NKAIN3: variants seen among roughly 807,000 people sequenced by gnomAD.
NKAIN3 encodes sodium/potassium-transporting ATPase subunit beta-1-interacting protein 3.
NKAIN3 carries 25 observed loss-of-function variants against 30.2 expected under a neutral mutation model. The observed-to-expected ratio is 0.83, with a 90% CI of 0.60 to 1.16. The LOEUF is 1.16. Ranked by LOEUF, NKAIN3 falls within the 50% of genes most tolerant of loss-of-function variation. The pLI, the probability that NKAIN3 is intolerant of heterozygous loss-of-function variation, is 0.00. For missense variants in NKAIN3, 225 were observed against 254.1 expected (o/e 0.89, Z 0.78); for synonymous variants, 91 against 89.6 (o/e 1.02, Z -0.09).
intron 6 of NKAIN3, among the ~76,000 whole-genome samples, chr8:62,957,254 C>T (rs552790060): frequency 7.9e-4 from 120 of 152,236 alleles, no homozygotes; most frequent in Admixed American, 1.9e-3. Flanking sequence ...CTGCCTCAGC[C>T]TCCTGAGTAG....
intron 1 of NKAIN3, among the ~76,000 whole-genome samples, chr8:62,253,570 A>G (rs1812174872): frequency 6.6e-6 from 1 of 152,222 alleles, no homozygotes. Flanking sequence ...CTCTCTATCT[A>G]AAAAGAAAGA....
At chr8:62,742,329 G>T (rs1815930818) in intron 3 of NKAIN3, among the ~76,000 whole-genome samples, 1 of 152,124 alleles carries the variant, frequency 6.6e-6, no homozygotes, top group African/African-American at 2.4e-5. Flanking sequence ...CCCTCTCCAG[G>T]ATGACAAAGG....
chr8:62,577,095 A>C (rs1298671827), intron 1 of NKAIN3, among the ~76,000 whole-genome samples: 2 of 152,058 alleles, frequency 1.3e-5, no homozygotes, highest in Non-Finnish European at 2.9e-5. Flanking sequence ...TAATACTCAA[A>C]TCTAGTTTTC....
intron 4 of NKAIN3, among the ~76,000 whole-genome samples, chr8:62,882,361 C>T (rs1410534391): frequency 2.0e-5 from 3 of 152,108 alleles, no homozygotes; most frequent in Admixed American, 6.5e-5. Context: ...CTCTGTCGCC[C>T]AGGCTGGAGT....
At chr8:62,695,258 A>T (rs1245831849) in intron 3 of NKAIN3, among the ~76,000 whole-genome samples, 1 of 152,188 alleles carries the variant, frequency 6.6e-6, no homozygotes, top group Non-Finnish European at 1.5e-5. Context: ...TATTTACTTT[A>T]TCATCACCCA....
rs146321069 is a variant in NKAIN3 at position 62,539,484 on chromosome 8, A to G, written c.55-40055A>G. Among the ~76,000 whole-genome samples, 759 of 152,332 alleles carry G rather than the reference A, an allele frequency of 5.0e-3. 3 individuals carry two copies. The highest frequency in any genetic ancestry group is 5.9e-3 in the Non-Finnish European group (403 of 68,020). Reference sequence around the variant, plus strand: ...TATAAATCACCAAAATTAGAGGTATATGGTGTGCAGATCTTTAAAAAGATT... The same window carrying G: ...TATAAATCACCAAAATTAGAGGTATGTGGTGTGCAGATCTTTAAAAAGATT... On this transcript the variant is annotated intron_variant, in intron 1 of 6. Transcript: ENST00000623646.
intron 1 of NKAIN3, among the ~76,000 whole-genome samples, chr8:62,480,603 G>A (rs1461591223): frequency 1.3e-5 from 2 of 150,268 alleles, no homozygotes; most frequent in African/African-American, 2.4e-5. Flanking sequence ...GAAAAAGCCC[G>A]ACCAAGACAT....
intron 4 of NKAIN3, 130 bp downstream of exon 4, chr8:62,747,259 A>G (rs1816107970): frequency 3.3e-6 from 2 of 604,162 alleles, no homozygotes; most frequent in South Asian, 2.1e-5. Context: ...AGAAGCAATT[A>G]TGGTACCACT....
At chr8:62,484,915 C>T (rs141849156) in intron 1 of NKAIN3, among the ~76,000 whole-genome samples, 1 of 152,310 alleles carries the variant, frequency 6.6e-6, no homozygotes, top group East Asian at 1.9e-4. Flanking sequence ...CCAGCATTCA[C>T]TAGGCTGTGG....
At chr8:62,352,581 T>C (rs1816216500) in intron 1 of NKAIN3, among the ~76,000 whole-genome samples, 1 of 152,186 alleles carries the variant, frequency 6.6e-6, no homozygotes, top group African/African-American at 2.4e-5. Flanking sequence ...GAGCATCGTC[T>C]TCTAAAATAG....
intron 4 of NKAIN3, among the ~76,000 whole-genome samples, chr8:62,796,556 T>A (rs192044935): frequency 6.6e-6 from 1 of 152,090 alleles, no homozygotes. Flanking sequence ...ATTCCTCACA[T>A]GTAGGCCATT....
chr8:62,749,679 C>CTTTTT (rs35908903), intron 4 of NKAIN3, among the ~76,000 whole-genome samples: 38 of 97,240 alleles, frequency 3.9e-4, no homozygotes, highest in East Asian at 5.6e-4. Context: ...TTTTTCTTTT[C>CTTTTT]TTTTTTTTTT....
intron 1 of NKAIN3, among the ~76,000 whole-genome samples, chr8:62,288,638 T>C (rs2129399871): frequency 6.6e-6 from 1 of 152,298 alleles, no homozygotes. Flanking sequence ...ATCCAGTCTA[T>C]CATTGATGGA....
intron 1 of NKAIN3, among the ~76,000 whole-genome samples, chr8:62,572,909 T>C (rs896328676): frequency 6.6e-6 from 1 of 152,158 alleles, no homozygotes; most frequent in Non-Finnish European, 1.5e-5. Context: ...AGAAACATTG[T>C]ATTTTAAAGG....
intron 1 of NKAIN3, among the ~76,000 whole-genome samples, chr8:62,336,474 T>G (rs1309270941): frequency 6.6e-6 from 1 of 152,024 alleles, no homozygotes; most frequent in Non-Finnish European, 1.5e-5. Context: ...TCACCAACAG[T>G]CTTTTCAAGG....
chr8:62,580,376 T>C (rs1810252723), intron 2 of NKAIN3, among the ~76,000 whole-genome samples: 1 of 152,200 alleles, frequency 6.6e-6, no homozygotes, highest in African/African-American at 2.4e-5. Context: ...TTCATTACTA[T>C]AGGCTACCAT....
downstream of NKAIN3, among the ~76,000 whole-genome samples, chr8:62,987,241 AC>A (rs142778615): frequency 0.038 from 5,776 of 152,100 alleles, 335 homozygotes; most frequent in African/African-American, 0.13. Flanking sequence ...ACAAAAAAAA[AC>A]ATCAACTGGG....
intron 1 of NKAIN3, among the ~76,000 whole-genome samples, chr8:62,576,430 T>C (rs1377277843): frequency 6.6e-6 from 1 of 152,094 alleles, no homozygotes; most frequent in Non-Finnish European, 1.5e-5. Context: ...TTCTCTTCGC[T>C]TGGGCATCTC....
intron 3 of NKAIN3, among the ~76,000 whole-genome samples, chr8:62,662,794 T>C (rs939575288): frequency 6.6e-6 from 1 of 152,236 alleles, no homozygotes; most frequent in Non-Finnish European, 1.5e-5. Context: ...AAAGACAATA[T>C]GTGAATGTGT....
Sources: gnomAD v4.1 joint callset for allele counts (sites outside exome capture counted in the v4.1 genomes callset) on GRCh38, gnomAD v4.1.1 for gene constraint, MANE v1.5 for transcripts, NCBI Gene and HGNC (gene_info 2026-07-23, HGNC 2026-07-21) for gene names.